LPCAT4: variants seen among roughly 807,000 people sequenced by gnomAD.
LPCAT4 encodes the protein lysophospholipid acyltransferase LPCAT4.
Under a neutral mutation model 66.5 loss-of-function variants are expected in LPCAT4, and 30 were observed. The ratio of observed to expected loss-of-function variants is 0.45; its 90% confidence interval spans 0.34 to 0.61. The LOEUF is 0.61. Ranked by LOEUF, LPCAT4 falls within the 20% of genes least tolerant of loss-of-function variation. The pLI, the probability that LPCAT4 is intolerant of heterozygous loss-of-function variation, is 0.01. For missense variants in LPCAT4, 557 were observed against 656.7 expected (o/e 0.85, Z 1.66); for synonymous variants, 253 against 262.1 (o/e 0.97, Z 0.34).
chr15:34,360,169 G>A lies in LPCAT4; in HGVS notation c.1184C>T (p.Ala395Val), dbSNP rs750631702. Residue 395 changes from alanine to valine, a missense_variant, in exon 12 of 14, where the codon GCA becomes GTA. Ala to Val is a moderately conservative substitution (Grantham distance 64). Around this residue, in one of 4 missense-constraint regions of LPCAT4, gnomAD observed 392 missense variants for 473.9 expected, o/e 0.83. Coordinates refer to ENST00000314891, the MANE Select transcript of LPCAT4 (RefSeq NM_153613.3). Reference protein sequence around the residue: ...GLVDFRDVALALAALDGGRSL... With the variant: ...GLVDFRDVALVLAALDGGRSL... Reference sequence around the variant, plus strand: ...CCTGCCCCCATCCAGAGCTGCTAGTGCAAGGGCCACATCTCGGAAGTCCAC... The same window carrying A: ...CCTGCCCCCATCCAGAGCTGCTAGTACAAGGGCCACATCTCGGAAGTCCAC... The A allele has an allele frequency of 6.2e-7, 1 of 1,613,798 alleles. No homozygotes were observed. The highest frequency in any genetic ancestry group is 8.5e-7 in the Non-Finnish European group (1 of 1,179,956).
In LPCAT4 at chr15:34,364,059, A is replaced by G. The variant is rs149805745; in HGVS notation, c.606T>C (p.Pro202=). The G allele has an allele frequency of 0.013, 21,460 of 1,613,076 alleles. 195 individuals carry two copies. The highest frequency in any genetic ancestry group is 0.016 in the Non-Finnish European group (19,044 of 1,179,050). The change falls in exon 5 of 14, where the codon CCT becomes CCC. Residue 202 remains proline, a synonymous_variant. Coordinates refer to ENST00000314891, the MANE Select transcript of LPCAT4 (RefSeq NM_153613.3). Reference sequence around the variant, plus strand: ...CCTTCTTGTTGGAACAGGTGCCCTCAGGAAAGAATAGCACCTGGGGTAAAA... The same window carrying G: ...CCTTCTTGTTGGAACAGGTGCCCTCGGGAAAGAATAGCACCTGGGGTAAAA... ...GGKWPQVLFF[P]EGTCSNKKAL... is the part of the protein sequence containing the mutation.
rs1233728019 is a variant in LPCAT4 at position 34,364,989 on chromosome 15, C to G, written c.478+19G>C. ...CCAGAGTTGTCACCCTGCCCTTCACCCCCTTTGAACTCTCTCACCTCCAAT... is the reference window on the plus strand; with the variant it reads ...CCAGAGTTGTCACCCTGCCCTTCACGCCCTTTGAACTCTCTCACCTCCAAT... On this transcript the variant is annotated intron_variant, in intron 3 of 13. Transcript: ENST00000314891. 6.3e-7 allele frequency: 1 copy of G among 1,589,914 alleles called. No homozygotes were observed. The highest frequency in any genetic ancestry group is 1.1e-5 in the South Asian group (1 of 89,134).
intron 3 of LPCAT4, 57 bp from the exon 4 acceptor site, chr15:34,364,363 C>A: frequency 1.0e-6 from 1 of 993,284 alleles, no homozygotes; most frequent in Non-Finnish European, 1.6e-6. Context: ...GGGGCAGTAA[C>A]ATCTGCAGCC....
rs1890974275 is a variant in LPCAT4, at chr15:34,362,626, C to T, written c.831G>A (p.Glu277=). The change falls in exon 9 of 14, where the codon GAG becomes GAA. Residue 277 remains glutamate, a synonymous_variant. Coordinates refer to ENST00000314891, the MANE Select transcript of LPCAT4 (RefSeq NM_153613.3). ...EFLPVYHPSP[E]ESRDPTLYAN... ...CATAGAGGGTGGGGTCCCTGCTCTC[C>T]TCAGGGCTGGGGTGATACACAGGAA... is the stretch of plus-strand genomic sequence containing the variant. 6.3e-7 allele frequency: 1 copy of T among 1,585,440 alleles called. No individual in the cohort carries two copies. The highest frequency in any genetic ancestry group is 1.7e-5 in the Admixed American group (1 of 57,864).
At chr15:34,359,830 C>T in intron 12 of LPCAT4, 85 bp from the exon 13 acceptor site, 1 of 1,414,510 alleles carries the variant, frequency 7.1e-7, no homozygotes, top group Non-Finnish European at 9.6e-7. Context: ...ACAGGCTCCT[C>T]CTCTTCCAAA....
intron 11 of LPCAT4, 38 bp from the exon 12 acceptor site, chr15:34,360,247 T>C: frequency 6.6e-7 from 1 of 1,516,398 alleles, no homozygotes; most frequent in Non-Finnish European, 9.2e-7. Flanking sequence ...GCGGGGACCC[T>C]GCGCCTCCCT....
At position 34,362,863 on chromosome 15, in the gene LPCAT4, A is replaced by G. The variant is rs769996690; in HGVS notation, c.747-27T>C. 5 of 1,610,862 alleles carry G rather than the reference A, an allele frequency of 3.1e-6. No individual in the cohort carries two copies. The Admixed American group carries it at 8.3e-5, about 27-fold the overall frequency. The stretch of plus-strand genomic sequence containing the variant: ...TAAGAGAAGAGAGATTTCGATACTC[A>G]CCAATCTCTAACTATGGGCTCCTTC... On this transcript the variant is annotated intron_variant, in intron 7 of 13. Coordinates refer to ENST00000314891, the MANE Select transcript of LPCAT4 (RefSeq NM_153613.3).
chr15:34,359,912 C>A (rs1890901884), intron 12 of LPCAT4, 167 bp from the exon 13 acceptor site: 2 of 805,212 alleles, frequency 2.5e-6, no homozygotes, highest in Non-Finnish European at 1.9e-6. Flanking sequence ...TAGCTTTTTC[C>A]TTCTTCTTCC....
In LPCAT4 at chr15:34,363,360, G is replaced by A; in HGVS notation, c.746+62C>T. On this transcript the variant is annotated intron_variant, in intron 7 of 13. Transcript: ENST00000314891. The surrounding 1 kb of genome is among the most constrained non-coding windows in gnomAD (Gnocchi z 4.3). Reference sequence around the variant, plus strand: ...CACCTTGTCGGGAGATTGGAAGATGGGCCAGGAATTCTCTGATGGACCCTG... The same window carrying A: ...CACCTTGTCGGGAGATTGGAAGATGAGCCAGGAATTCTCTGATGGACCCTG... 6.4e-7 allele frequency: 1 copy of A among 1,558,210 alleles called. No individual in the cohort carries two copies.
Position 34,365,300 on chromosome 15 carries a change from G to T in LPCAT4, c.258-72C>A. ...TCACCCGCCCCCAGGTTCAGACACC[G>T]GGAAAGTAGGGCACCCCTCTTTTAC... On this transcript the variant is annotated intron_variant, in intron 2 of 13. Transcript: ENST00000314891. 3 of 1,445,340 alleles carry T rather than the reference G, an allele frequency of 2.1e-6. No individual in the cohort carries two copies. The South Asian group carries it at 3.7e-5, about 18-fold the overall frequency. 89.5% of individuals were successfully genotyped at this position (1,445,340 alleles called of 1,614,324 possible). A position where few individuals can be genotyped will look rare whatever the true frequency, so the allele number is the denominator to read the frequency against.
chr15:34,366,740 C>T (rs530201349), intron 1 of LPCAT4, among the ~76,000 whole-genome samples: 1 of 151,980 alleles, frequency 6.6e-6, no homozygotes, highest in Non-Finnish European at 1.5e-5. Context: ...CCCCTGCAGC[C>T]CTCCATCCCC....
Position 34,359,235 on chromosome 15 carries a change from G to A in LPCAT4, c.1467C>T (p.Pro489=). Residue 489 remains proline (P), a synonymous_variant, in exon 14 of 14, where the codon CCC becomes CCT. Coordinates refer to ENST00000314891, the MANE Select transcript of LPCAT4 (RefSeq NM_153613.3). ...GGGAGGTGCCTCGAGAGGTGTGTGGGGGGCGCAGGTAGGTGCTGAAGAGTT... is the reference window on the plus strand; with the variant it reads ...GGGAGGTGCCTCGAGAGGTGTGTGGAGGGCGCAGGTAGGTGCTGAAGAGTT... The part of the protein sequence containing the change: ...YGKLFSTYLR[P]PHTSRGTSQT... 1 of 1,577,384 alleles carries A rather than the reference G, an allele frequency of 6.3e-7. No individual in the cohort carries two copies. Among genetic ancestry groups the A allele is most frequent in the Non-Finnish European group, 8.6e-7 (1 of 1,160,908 alleles).
At chr15:34,364,887 A>G (rs1180820426) in intron 3 of LPCAT4, 121 bp downstream of exon 3, 2 of 760,228 alleles carry the variant, frequency 2.6e-6, no homozygotes, top group East Asian at 2.6e-5. Context: ...GTTAATTTAT[A>G]TTTCACTTGC....
In LPCAT4 at chr15:34,363,612, G is replaced by A. The variant is rs559618368; in HGVS notation, c.711+49C>T. On this transcript the variant is annotated intron_variant, in intron 6 of 13. Coordinates refer to ENST00000314891, the MANE Select transcript of LPCAT4 (RefSeq NM_153613.3). The surrounding 1 kb of genome is among the most constrained non-coding windows in gnomAD (Gnocchi z 4.3). ...AACAGTTTTCACTTATTTCCATTTGGGGTGGATTTGTGCTCCCCCTTTCCA... is the reference window on the plus strand; with the variant it reads ...AACAGTTTTCACTTATTTCCATTTGAGGTGGATTTGTGCTCCCCCTTTCCA... The A allele has an allele frequency of 6.2e-7, 1 of 1,608,254 alleles. No homozygotes were observed. Among genetic ancestry groups the A allele is most frequent in the African/African-American group, 1.3e-5 (1 of 74,916 alleles).
Position 34,363,748 on chromosome 15 carries a change from C to T in LPCAT4, c.653-29G>A. On this transcript the variant is annotated intron_variant, in intron 5 of 13. Transcript: ENST00000314891. This position sits in a 1 kb window ranked among gnomAD's most constrained non-coding sequence, Gnocchi z 4.3. ...AATCCCATTTCCACCCCCACCCCCA[C>T]AAGGCAGAGGTTAGTACACAGAAGT... 5.0e-6 allele frequency: 8 copies of T among 1,613,954 alleles called. No individual in the cohort carries two copies. Among genetic ancestry groups the T allele is most frequent in the Non-Finnish European group, 6.8e-6 (8 of 1,179,824 alleles).
At chr15:34,364,633 T>C (rs1450954531) in intron 3 of LPCAT4, 1 of 255,514 alleles carries the variant, frequency 3.9e-6, no homozygotes, top group Non-Finnish European at 7.4e-6. Flanking sequence ...TTTGTATTTT[T>C]AGTAGAGACA....
chr15:34,362,361 A>G (rs1890966971), intron 9 of LPCAT4, 40 bp from the exon 10 acceptor site: 1 of 1,612,218 alleles, frequency 6.2e-7, no homozygotes, highest in Admixed American at 1.7e-5. Flanking sequence ...GTAAGGAAGC[A>G]GAAGAAACTT....
intron 12 of LPCAT4, 32 bp from the exon 13 acceptor site, chr15:34,359,777 T>C (rs759368519): frequency 2.5e-6 from 4 of 1,583,764 alleles, no homozygotes; most frequent in South Asian, 1.2e-5. Context: ...AGTCAAGTTC[T>C]CTCCTCATGC....
chr15:34,362,116 C>T, intron 10 of LPCAT4, 80 bp downstream of exon 10: 186 of 1,499,682 alleles, frequency 1.2e-4, no homozygotes, highest in South Asian at 4.1e-4. Flanking sequence ...TTCCTTCTTC[C>T]TTCTCATTTC....
Sources: gnomAD v4.1 joint callset for allele counts (sites outside exome capture counted in the v4.1 genomes callset) on GRCh38, gnomAD v4.1.1 for gene constraint, gnomAD v4.1.1 regional missense constraint, Gnocchi (gnomAD v3.1) non-coding constraint, MANE v1.5 for transcripts, NCBI Gene and HGNC (gene_info 2026-07-23, HGNC 2026-07-21) for gene names.